TAAR1: variants seen among roughly 807,000 people sequenced by gnomAD.
TAAR1 encodes the protein trace amine-associated receptor 1.
A neutral mutation model predicts 1.2 loss-of-function variants in TAAR1; 1 was observed. The observed-to-expected ratio is 0.81, with a 90% CI of 0.29 to 3.86. The LOEUF is 3.86. Ranked by LOEUF, TAAR1 falls within the 30% of genes most tolerant of loss-of-function variation. The pLI is 0.18. For missense variants in TAAR1, 445 were observed against 405.6 expected, an observed-to-expected ratio of 1.10 and a Z score of -0.83; for synonymous variants, 153 against 132.2, an observed-to-expected ratio of 1.16 and a Z score of -1.08.
At chr6:132,650,867 C>G (rs950435425) in intron 1 of TAAR1, among the ~76,000 whole-genome samples, 2 of 152,174 alleles carry the variant, frequency 1.3e-5, no homozygotes, top group Admixed American at 1.3e-4. Flanking sequence ...GTAATACTTT[C>G]CACCTTAAAA....
At chr6:132,654,759 T>C (rs2114287712) in intron 1 of TAAR1, among the ~76,000 whole-genome samples, 1 of 152,318 alleles carries the variant, frequency 6.6e-6, no homozygotes, top group East Asian at 1.9e-4. Flanking sequence ...GGTATAAGAA[T>C]TAGGATCTCA....
chr6:132,645,926 C>A lies in TAAR1; in HGVS notation c.78G>T (p.Leu26=), dbSNP rs1211027726. 3.7e-6 allele frequency: 6 copies of A among 1,613,332 alleles called. No individual in the cohort carries two copies. Among genetic ancestry groups the A allele is most frequent in the Non-Finnish European group, 5.1e-6 (6 of 1,179,568 alleles). ...GAATTATGAGCACCATTAAACTGTA[C>A]AGGGAAGCACGGACATCATTTGACC... ...NNWSNDVRAS[L]YSLMVLIILT... is the part of the protein sequence containing the mutation. The change falls in exon 2 of 2, where the codon CTG becomes CTT. Residue 26 remains leucine (L), a synonymous_variant. Coordinates refer to ENST00000275216, the MANE Select transcript of TAAR1 (RefSeq NM_138327.4).
intron 1 of TAAR1, among the ~76,000 whole-genome samples, chr6:132,647,663 A>AGAAAGAAC (rs1777699682): frequency 6.6e-6 from 1 of 150,958 alleles, no homozygotes; most frequent in Non-Finnish European, 1.5e-5. Flanking sequence ...AAAGAAAGAA[A>AGAAAGAAC]GAAAGAAAGA....
intron 1 of TAAR1, among the ~76,000 whole-genome samples, chr6:132,658,229 A>C (rs1024913881): frequency 9.2e-5 from 14 of 152,096 alleles, no homozygotes; most frequent in African/African-American, 3.4e-4. Context: ...GGGTGAGGGG[A>C]AACAGCATTT....
chr6:132,652,985 C>G (rs73001150), intron 1 of TAAR1, among the ~76,000 whole-genome samples: 9,442 of 151,830 alleles, frequency 0.062, 335 homozygotes, highest in East Asian at 0.11. Context: ...GGGTGGAGTG[C>G]GGGGGAGACA....
rs554956451 is a variant in TAAR1 at position 132,653,887 on chromosome 6, G to A, written c.-127+5243C>T. On this transcript the variant is annotated intron_variant, in intron 1 of 1. Coordinates refer to ENST00000275216, the MANE Select transcript of TAAR1 (RefSeq NM_138327.4). ...TCGGTGACCATCGGAGCATCATAAA[G>A]AAAACACTGGTAGCCAATACAACCA... Among the ~76,000 whole-genome samples the A allele has an allele frequency of 2.6e-5, 4 of 152,226 alleles. No individual in the cohort carries two copies. In the South Asian group the frequency reaches 8.3e-4, roughly 32 times the overall value.
In TAAR1 at chr6:132,645,641, G is replaced by A. The variant is rs375376229; in HGVS notation, c.363C>T (p.Arg121=). The change falls in exon 2 of 2, where the codon CGC becomes CGT. Residue 121 remains arginine, a synonymous_variant. Transcript: ENST00000275216. Reference sequence around the variant, plus strand: ...TCAGTGGATCACACACAGCATAGTAGCGGTCAATGGAGATGAAAGACAAAT... The same window carrying A: ...TCAGTGGATCACACACAGCATAGTAACGGTCAATGGAGATGAAAGACAAAT... ...IFHLSFISID[R]YYAVCDPLRY... is the part of the protein sequence containing the mutation. 7.4e-6 allele frequency: 12 copies of A among 1,613,502 alleles called. No homozygotes were observed. The African/African-American group carries it at 1.5e-4, about 20-fold the overall frequency.
chr6:132,650,491 C>T (rs1211678805), intron 1 of TAAR1, among the ~76,000 whole-genome samples: 1 of 152,196 alleles, frequency 6.6e-6, no homozygotes, highest in African/African-American at 2.4e-5. Flanking sequence ...AGGAATCCTA[C>T]TCCATTTCCC....
chr6:132,646,155 T>C, intron 1 of TAAR1, 26 bp from the exon 2 acceptor site: 1 of 882,072 alleles, frequency 1.1e-6, no homozygotes. Context: ...AAAGAGTAAA[T>C]CATTGGCAAT....
intron 1 of TAAR1, among the ~76,000 whole-genome samples, chr6:132,653,524 A>G (rs1446190746): frequency 6.6e-6 from 1 of 152,176 alleles, no homozygotes; most frequent in African/African-American, 2.4e-5. Flanking sequence ...GTAATTTTGC[A>G]GTTACCACAT....
intron 1 of TAAR1, among the ~76,000 whole-genome samples, chr6:132,648,715 C>A (rs1291323503): frequency 6.6e-6 from 1 of 152,162 alleles, no homozygotes; most frequent in Non-Finnish European, 1.5e-5. Context: ...TGCTCTATGA[C>A]AACATTGTGA....
At chr6:132,647,623 G>GAAAAGAAAGAAAGAAAGAAAGAAA (rs201011015) in intron 1 of TAAR1, among the ~76,000 whole-genome samples, 6 of 103,070 alleles carry the variant, frequency 5.8e-5, no homozygotes, top group Non-Finnish European at 9.1e-5. Context: ...GAAAGAAAAA[G>GAAAAGAAAGAAAGAAAGAAAGAAA]GAAAGAAAGA....
At chr6:132,656,924 A>G (rs1777809506) in intron 1 of TAAR1, among the ~76,000 whole-genome samples, 1 of 152,208 alleles carries the variant, frequency 6.6e-6, no homozygotes, top group South Asian at 2.1e-4. Flanking sequence ...ATTCTAGGAA[A>G]TACTCTAGCA....
chr6:132,658,360 C>T (rs1777832524), intron 1 of TAAR1, among the ~76,000 whole-genome samples: 1 of 151,950 alleles, frequency 6.6e-6, no homozygotes, highest in Admixed American at 6.6e-5. Context: ...CACAAACCAA[C>T]AAATAAGAGT....
chr6:132,646,984 G>T (rs1338639322), intron 1 of TAAR1, among the ~76,000 whole-genome samples: 1 of 152,058 alleles, frequency 6.6e-6, no homozygotes, highest in African/African-American at 2.4e-5. Flanking sequence ...GCACCTACTA[G>T]TGAAGAATGA....
chr6:132,644,128 A>G lies in TAAR1; in HGVS notation c.*856T>C, dbSNP rs1777631304. On this transcript the variant is annotated 3_prime_UTR_variant, in exon 2 of 2. Coordinates refer to ENST00000275216, the MANE Select transcript of TAAR1 (RefSeq NM_138327.4). ...TTTAGAAAAGTTAGAAACAACTGGA[A>G]TTAACAATAGGGAATGGTTAAAAAT... 1.3e-5 allele frequency among the ~76,000 whole-genome samples: 2 copies of G among 152,004 alleles called. No individual in the cohort carries two copies. The highest frequency in any genetic ancestry group is 6.6e-5 in the Admixed American group (1 of 15,216).
At chr6:132,647,090 C>G (rs544881289) in intron 1 of TAAR1, among the ~76,000 whole-genome samples, 42 of 152,084 alleles carry the variant, frequency 2.8e-4, no homozygotes, top group Middle Eastern at 6.8e-3. Context: ...GAGGTGAGAG[C>G]CCAGGGAAGC....
rs149159437 is a variant in TAAR1, at chr6:132,645,131, C to T, written c.873G>A (p.Trp291Ter). ...IPPTLNDVLI[W>*]FGYLNSTFNP... Reference sequence around the variant, plus strand: ...TAAATGTAGAGTTCAAGTAGCCAAACCAAATCAATACATCATTCAAAGTAG... The same window carrying T: ...TAAATGTAGAGTTCAAGTAGCCAAATCAAATCAATACATCATTCAAAGTAG... Residue 291 changes from tryptophan (W) to a stop codon, truncating the protein, a stop_gained, in exon 2 of 2, where the codon TGG becomes TGA. Transcript: ENST00000275216. LOFTEE classifies it high-confidence loss of function. 63 of 1,612,994 alleles carry T rather than the reference C, an allele frequency of 3.9e-5. No individual in the cohort carries two copies. The African/African-American group carries it at 7.9e-4, about 20-fold the overall frequency.
chr6:132,650,553 A>G (rs372603415), intron 1 of TAAR1, among the ~76,000 whole-genome samples: 39 of 152,290 alleles, frequency 2.6e-4, no homozygotes, highest in African/African-American at 9.4e-4. Flanking sequence ...GCCTTCTTGA[A>G]TCTCAAATAC....
Sources: allele counts gnomAD v4.1 joint callset (sites outside exome capture counted in the v4.1 genomes callset), GRCh38; gene constraint gnomAD v4.1.1; transcripts MANE v1.5; gene names NCBI Gene and HGNC (gene_info 2026-07-23, HGNC 2026-07-21).